The following CIMIP6 variants were observed in gnomAD, a reference collection of about 807,000 sequenced individuals.
The protein encoded by CIMIP6 is uncharacterized protein C2orf73.
chr2:54,357,549 A>T, the CIMIP6 span, among the ~76,000 whole-genome samples: 5 of 149,336 alleles, frequency 3.3e-5, no homozygotes, highest in African/African-American at 1.2e-4. Flanking sequence ...TTTCACAGAT[A>T]TGTTCGTTGT....
At chr2:54,331,032 C>G in the CIMIP6 span, 2 of 1,612,742 alleles carry the variant, frequency 1.2e-6, no homozygotes, top group Non-Finnish European at 1.7e-6. Flanking sequence ...TCTTATTTCC[C>G]TTTCCAAAAA....
chr2:54,381,779 C>T, the CIMIP6 span: 24 of 1,474,698 alleles, frequency 1.6e-5, no homozygotes, highest in East Asian at 1.8e-4. Flanking sequence ...TCTGATTTAA[C>T]GCTTGATTGT....
the CIMIP6 span, chr2:54,360,163 G>A: frequency 6.7e-7 from 1 of 1,489,316 alleles, no homozygotes; most frequent in Non-Finnish European, 8.9e-7. Flanking sequence ...CCAGCAATCT[G>A]CGTTCTCCTG....
At chr2:54,330,901 C>A in the CIMIP6 span, 1 of 1,464,620 alleles carries the variant, frequency 6.8e-7, no homozygotes, top group Non-Finnish European at 9.5e-7. Flanking sequence ...CCGCGCTTTG[C>A]GCACCCTTTT....
chr2:54,365,636 G>A, the CIMIP6 span, among the ~76,000 whole-genome samples: 2 of 152,078 alleles, frequency 1.3e-5, no homozygotes, highest in Non-Finnish European at 2.9e-5. Flanking sequence ...TAAACTTCCT[G>A]AGGCCTCACT....
the CIMIP6 span, chr2:54,381,786 T>G: frequency 1.3e-6 from 2 of 1,492,738 alleles, no homozygotes; most frequent in Non-Finnish European, 1.8e-6. Context: ...TAACGCTTGA[T>G]TGTAAACCAT....
the CIMIP6 span, among the ~76,000 whole-genome samples, chr2:54,340,553 A>G: frequency 6.6e-6 from 1 of 152,226 alleles, no homozygotes; most frequent in Non-Finnish European, 1.5e-5. Context: ...CAAGAAAGAC[A>G]ACCTTTTTTT....
the CIMIP6 span, among the ~76,000 whole-genome samples, chr2:54,332,887 TTAGAAGTTTTTTAC>T: frequency 3.9e-5 from 6 of 152,206 alleles, no homozygotes; most frequent in Non-Finnish European, 5.9e-5. Flanking sequence ...AGAAAAAGGT[TTAGAAGTTTTTTAC>T]ACTTTACCAG....
the CIMIP6 span, chr2:54,381,836 T>C: frequency 1.8e-5 from 28 of 1,528,592 alleles, no homozygotes; most frequent in East Asian, 4.5e-4. Flanking sequence ...TGTTCTTGTC[T>C]TCCTTCCAGA....
At chr2:54,355,460 C>G in the CIMIP6 span, among the ~76,000 whole-genome samples, 2 of 152,158 alleles carry the variant, frequency 1.3e-5, no homozygotes, top group South Asian at 4.2e-4. Flanking sequence ...TTCTCCTGCC[C>G]CTGCTACCTG....
chr2:54,334,088 T>C, the CIMIP6 span, among the ~76,000 whole-genome samples: 2 of 152,324 alleles, frequency 1.3e-5, no homozygotes, highest in East Asian at 3.9e-4. Context: ...TAAAAAGTAT[T>C]CAAATTCATA....
the CIMIP6 span, among the ~76,000 whole-genome samples, chr2:54,349,344 A>C: frequency 6.6e-6 from 1 of 152,202 alleles, no homozygotes; most frequent in East Asian, 1.9e-4. Context: ...AATGATCTTT[A>C]AGCAGACACA....
At chr2:54,382,645 C>A in the CIMIP6 span, among the ~76,000 whole-genome samples, 1 of 152,182 alleles carries the variant, frequency 6.6e-6, no homozygotes, top group African/African-American at 2.4e-5. Context: ...ACTAACTAGA[C>A]CCTCCACATG....
chr2:54,370,940 C>T, the CIMIP6 span, among the ~76,000 whole-genome samples: 6 of 152,140 alleles, frequency 3.9e-5, no homozygotes, highest in Non-Finnish European at 7.4e-5. Flanking sequence ...TCAAAGATTC[C>T]TTAGATGAAT....
At chr2:54,382,305 G>A in the CIMIP6 span, among the ~76,000 whole-genome samples, 1 of 152,168 alleles carries the variant, frequency 6.6e-6, no homozygotes, top group Non-Finnish European at 1.5e-5. Flanking sequence ...CTGAGCCAGT[G>A]CAGTAACATG....
At chr2:54,371,654 C>A in the CIMIP6 span, among the ~76,000 whole-genome samples, 1 of 152,190 alleles carries the variant, frequency 6.6e-6, no homozygotes, top group Non-Finnish European at 1.5e-5. Context: ...TTCAGACATG[C>A]CAGTGGTGGG....
chr2:54,358,321 T>C, the CIMIP6 span, among the ~76,000 whole-genome samples: 1 of 152,214 alleles, frequency 6.6e-6, no homozygotes, highest in African/African-American at 2.4e-5. Flanking sequence ...TCATACTCTT[T>C]CTAGTCGTGA....
the CIMIP6 span, among the ~76,000 whole-genome samples, chr2:54,346,188 C>T: frequency 5.3e-5 from 8 of 151,996 alleles, no homozygotes; most frequent in Non-Finnish European, 1.0e-4. Context: ...TCTATAGACA[C>T]GAGTTTAAAT....
chr2:54,330,978 G>A, the CIMIP6 span: 3 of 1,613,482 alleles, frequency 1.9e-6, no homozygotes, highest in Admixed American at 5.0e-5. Flanking sequence ...AGAGGCCCAT[G>A]GAGGAAAAGG....
Sources: gnomAD v4.1 joint callset for allele counts (sites outside exome capture counted in the v4.1 genomes callset) on GRCh38, gnomAD v4.1.1 for gene constraint, MANE v1.5 for transcripts, NCBI Gene and HGNC (gene_info 2026-07-23, HGNC 2026-07-21) for gene names.